SYNE2: variants seen among roughly 807,000 people sequenced by gnomAD.
SYNE2 encodes spectrin repeat containing nuclear envelope protein 2, also known as nesprin-2.
Under a neutral mutation model 856.3 loss-of-function variants are expected in SYNE2, and 431 were observed. That is an observed-to-expected ratio of 0.50 (90% CI 0.47 to 0.55). SYNE2 has a LOEUF of 0.55. Ranked by LOEUF, SYNE2 falls within the 20% of genes least tolerant of loss-of-function variation. The pLI is 0.00. For missense variants in SYNE2, 8,129 were observed against 8,023.2 expected (o/e 1.01, Z -0.50); for synonymous variants, 2,923 against 2,872.3 (o/e 1.02, Z -0.56).
intron 1 of SYNE2, among the ~76,000 whole-genome samples, chr14:63,859,776 G>A (rs900464906): frequency 4.6e-5 from 7 of 152,120 alleles, no homozygotes; most frequent in Non-Finnish European, 7.4e-5. Context: ...AGATCATGAC[G>A]CTGCAGTCCA....
intron 1 of SYNE2, among the ~76,000 whole-genome samples, chr14:63,806,894 A>T (rs1196049104): frequency 6.6e-6 from 1 of 151,344 alleles, no homozygotes; most frequent in African/African-American, 2.4e-5. Context: ...TTTTTTTCAA[A>T]AAAGAATAGA....
chr14:64,110,800 C>T lies in SYNE2; in HGVS notation c.12610-2541C>T, dbSNP rs945314886. On this transcript the variant is annotated intron_variant, in intron 65 of 115. Coordinates refer to ENST00000555002, the MANE Select transcript of SYNE2 (RefSeq NM_182914.3). ...AGAAGCAACATGGTAAAAAGGGAGG[C>T]ATGTGGGCTGATTGAACATTCTGTG... Among the ~76,000 whole-genome samples the T allele has an allele frequency of 3.3e-5, 5 of 151,932 alleles. No individual in the cohort carries two copies. The South Asian group carries it at 1.0e-3, about 32-fold the overall frequency.
chr14:64,208,422 T>C (rs2098619863), intron 100 of SYNE2, among the ~76,000 whole-genome samples: 1 of 152,170 alleles, frequency 6.6e-6, no homozygotes, highest in Non-Finnish European at 1.5e-5. Context: ...GTAGATCCCA[T>C]GCATACCCGA....
In SYNE2 at chr14:64,051,684, A is replaced by G. The variant is rs2097228269; in HGVS notation, c.7771A>G (p.Met2591Val). The part of the protein sequence containing the change: ...WENLSNHVTD[M>V]DKKLLESQIK... The stretch of plus-strand genomic sequence containing the variant: ...GAATTTATCAAACCACGTGACTGAC[A>G]TGGATAAGAAATTGTTGGAAAGCCA... Residue 2591 changes from methionine (M) to valine (V), a missense_variant, in exon 48 of 116, where the codon ATG (methionine) becomes GTG (valine). Physicochemically the swap from Met to Val is conservative, Grantham distance 21 (BLOSUM62 1). Coordinates refer to ENST00000555002, the MANE Select transcript of SYNE2 (RefSeq NM_182914.3). The G allele has an allele frequency of 6.2e-7, 1 of 1,614,236 alleles. No homozygotes were observed. The highest frequency in any genetic ancestry group is 8.5e-7 in the Non-Finnish European group (1 of 1,180,028).
chr14:64,123,182 A>G (rs371371001), intron 70 of SYNE2, among the ~76,000 whole-genome samples: 20 of 152,056 alleles, frequency 1.3e-4, no homozygotes, highest in African/African-American at 4.1e-4. Flanking sequence ...GGAATCTACC[A>G]TGTGCCAACG....
At chr14:63,849,265 CTTTTTTTTTT>C (rs35001530), upstream of SYNE2, among the ~76,000 whole-genome samples, 2 of 127,146 alleles carry the variant, frequency 1.6e-5, no homozygotes, top group Non-Finnish European at 3.4e-5. Context: ...AGTTAATCTC[CTTTTTTTTTT>C]TTTTTTTTTG....
chr14:63,951,647 G>A (rs2096162833), intron 7 of SYNE2, among the ~76,000 whole-genome samples: 1 of 152,130 alleles, frequency 6.6e-6, no homozygotes, highest in African/African-American at 2.4e-5. Context: ...TATATTTTAT[G>A]AGAGCCATAA....
At chr14:64,004,331 TTTTG>T (rs1053014867) in intron 30 of SYNE2, among the ~76,000 whole-genome samples, 10 of 151,344 alleles carry the variant, frequency 6.6e-5, no homozygotes, top group African/African-American at 1.9e-4. Flanking sequence ...ACCGTTGTTT[TTTTG>T]TTTGTTTGTT....
intron 1 of SYNE2, among the ~76,000 whole-genome samples, chr14:63,785,671 A>G (rs1264258346): frequency 6.6e-6 from 1 of 152,234 alleles, no homozygotes; most frequent in East Asian, 1.9e-4. Flanking sequence ...CAAAACGTAC[A>G]AGATTCTGTA....
rs761740176 is a variant in SYNE2 at position 64,113,495 on chromosome 14, C to A, written c.12764C>A (p.Ala4255Asp). 6.2e-7 allele frequency: 1 copy of A among 1,613,954 alleles called. No individual in the cohort carries two copies. Among genetic ancestry groups the A allele is most frequent in the Non-Finnish European group, 8.5e-7 (1 of 1,179,994 alleles). ...VAELELWLQQANVAVEPETLN... is the reference protein window; with the variant it reads ...VAELELWLQQDNVAVEPETLN... ...GAGCTGGAGCTGTGGCTGCAACAAG[C>A]CAACGTGGCAGTTGAGCCGGAAACA... Residue 4255 changes from alanine to aspartate, a missense_variant, in exon 66 of 116, where the codon GCC becomes GAC. Physicochemically the swap from Ala to Asp is moderately radical, Grantham distance 126. Around this residue, in one of 3 missense-constraint regions of SYNE2, gnomAD observed 5,410 missense variants for 5,284.8 expected, o/e 1.02. Coordinates refer to ENST00000555002, the MANE Select transcript of SYNE2 (RefSeq NM_182914.3).
At chr14:64,077,738 C>G (rs766019963) in intron 54 of SYNE2, among the ~76,000 whole-genome samples, 4 of 151,760 alleles carry the variant, frequency 2.6e-5, no homozygotes, top group Non-Finnish European at 5.9e-5. Context: ...AATAGCAAAA[C>G]AAGAACACAC....
chr14:64,216,697 G>A (rs1267630105), intron 108 of SYNE2, among the ~76,000 whole-genome samples: 1 of 152,196 alleles, frequency 6.6e-6, no homozygotes, highest in Non-Finnish European at 1.5e-5. Flanking sequence ...TGGCTTTCCT[G>A]ACTGCTCCTG....
rs1218514877 is a variant in SYNE2, at chr14:64,226,408, C to G, written c.*882C>G. ...TGTGATATGTACAACTCAGATGTTTCTCATTAAAAAACAAAATTAGCCAGA... is the reference window on the plus strand; with the variant it reads ...TGTGATATGTACAACTCAGATGTTTGTCATTAAAAAACAAAATTAGCCAGA... On this transcript the variant is annotated 3_prime_UTR_variant, in exon 116 of 116. Coordinates refer to ENST00000555002, the MANE Select transcript of SYNE2 (RefSeq NM_182914.3). The G allele has an allele frequency of 2.0e-5, 3 of 152,470 alleles. No individual in the cohort carries two copies. The highest frequency in any genetic ancestry group is 1.3e-4 in the Admixed American group (2 of 15,270). The allele number at this position is 152,470 out of a possible 1,614,324, so 9.4% of individuals were successfully genotyped here.
intron 1 of SYNE2, among the ~76,000 whole-genome samples, chr14:63,801,309 C>T (rs553794056): frequency 6.6e-6 from 1 of 152,238 alleles, no homozygotes; most frequent in African/African-American, 2.4e-5. Flanking sequence ...CACAAATCTC[C>T]ACTAAAGAAC....
At chr14:64,142,784 G>T (rs2098149869) in intron 82 of SYNE2, among the ~76,000 whole-genome samples, 1 of 152,188 alleles carries the variant, frequency 6.6e-6, no homozygotes, top group African/African-American at 2.4e-5. Flanking sequence ...GAATGAGTAA[G>T]AAAATATTGA....
intron 1 of SYNE2, among the ~76,000 whole-genome samples, chr14:63,771,644 A>AC (rs1291749787): frequency 3.3e-4 from 50 of 152,266 alleles, no homozygotes; most frequent in African/African-American, 1.2e-3. Context: ...TACGCCTGTA[A>AC]TCCCAGTATT....
chr14:64,038,408 G>C (rs1452774135), intron 45 of SYNE2, among the ~76,000 whole-genome samples: 2 of 152,276 alleles, frequency 1.3e-5, no homozygotes, highest in African/African-American at 4.8e-5. Flanking sequence ...TGGGCGGCCC[G>C]GCAGAGACAC....
Position 64,225,079 on chromosome 14 carries a change from C to T in SYNE2, c.20516+34C>T, listed in dbSNP as rs367883247. 33 of 1,610,646 alleles carry T rather than the reference C, an allele frequency of 2.0e-5. No individual in the cohort carries two copies. The East Asian group carries it at 5.1e-4, about 25-fold the overall frequency. ...GCTTTACCGTGACAGCAGTGCGTTCCCCTGCTCCACACTCCCACTGACTCA... is the reference window on the plus strand; with the variant it reads ...GCTTTACCGTGACAGCAGTGCGTTCTCCTGCTCCACACTCCCACTGACTCA... On this transcript the variant is annotated intron_variant, in intron 115 of 115. Transcript: ENST00000555002.
At chr14:63,949,188 G>T (rs2096108361) in intron 6 of SYNE2, among the ~76,000 whole-genome samples, 1 of 151,998 alleles carries the variant, frequency 6.6e-6, no homozygotes, top group Admixed American at 6.6e-5. Flanking sequence ...CAAAAAAATT[G>T]AGCCAATTTG....
Sources: gnomAD v4.1 joint callset for allele counts (sites outside exome capture counted in the v4.1 genomes callset) on GRCh38, gnomAD v4.1.1 for gene constraint, gnomAD v4.1.1 regional missense constraint, MANE v1.5 for transcripts, NCBI Gene and HGNC (gene_info 2026-07-23, HGNC 2026-07-21) for gene names.